Variants in SLC43A1 observed in about 807,000 individuals in gnomAD.
SLC43A1 encodes the protein solute carrier family 43 member 1.
In SLC43A1, 31 loss-of-function variants were observed where a neutral mutation model predicts 59.5. That is an observed-to-expected ratio of 0.52 (90% CI 0.39 to 0.70). The LOEUF is 0.70. SLC43A1 is among the 30% of genes least tolerant of loss of function. The probability of loss-of-function intolerance (pLI) is 0.00; values close to 1 mark genes in which losing one functional copy is unlikely to be tolerated. For synonymous variants in SLC43A1, 259 were observed against 290.9 expected, an observed-to-expected ratio of 0.89 and a Z score of 1.12; for missense variants, 598 against 717.8, an observed-to-expected ratio of 0.83 and a Z score of 1.91.
intron 2 of SLC43A1, among the ~76,000 whole-genome samples, chr11:57,510,322 G>C (rs189211458): frequency 1.3e-5 from 2 of 151,910 alleles, no homozygotes; most frequent in Admixed American, 6.6e-5. Context: ...GCCGGGCGTG[G>C]TGGTGGACGC....
intron 5 of SLC43A1, 102 bp downstream of exon 5, chr11:57,500,677 C>G (rs908866701): frequency 4.0e-6 from 4 of 991,886 alleles, no homozygotes; most frequent in Non-Finnish European, 6.3e-6. Context: ...TCTGCGTCCA[C>G]AGGCCCCTCC....
chr11:57,495,108 A>C (rs919056877), intron 7 of SLC43A1, among the ~76,000 whole-genome samples: 1 of 151,530 alleles, frequency 6.6e-6, no homozygotes, highest in Non-Finnish European at 1.5e-5. Context: ...TCGGCCTCCC[A>C]AAGTGCTGGG....
At chr11:57,489,115 C>A (rs1449908710) in intron 12 of SLC43A1, 126 bp from the exon 13 acceptor site, 7 of 1,439,204 alleles carry the variant, frequency 4.9e-6, no homozygotes, top group African/African-American at 1.4e-5. Flanking sequence ...CTACTAGAAA[C>A]ACTTCCTGGA....
chr11:57,492,603 A>ACCT (rs1943961012), intron 8 of SLC43A1, among the ~76,000 whole-genome samples: 2 of 138,112 alleles, frequency 1.4e-5, no homozygotes, highest in African/African-American at 5.4e-5. Context: ...GGTTGTGCAC[A>ACCT]CCTGTATTCC....
rs116216373 is a variant in SLC43A1, at chr11:57,500,844, A to G, written c.400T>C (p.Leu134=). 1.1e-5 allele frequency: 18 copies of G among 1,614,214 alleles called. No homozygotes were observed. In the East Asian group the frequency reaches 3.8e-4, roughly 34 times the overall value. Residue 134 remains leucine, a synonymous_variant, in exon 5 of 15, where the codon TTG becomes CTG. Coordinates refer to ENST00000278426, the MANE Select transcript of SLC43A1 (RefSeq NM_003627.6). ...TTCAGGGACAGCGCCAGGAATATCA[A>G]CGGAGACAGAGCTGGAAAGGGGAAA... is the stretch of plus-strand genomic sequence containing the variant. The part of the protein sequence containing the change: ...ASRDVEALSP[L]IFLALSLNGF...
In SLC43A1 at chr11:57,514,793, G is replaced by A; in HGVS notation, c.-14+651C>T. The A allele has an allele frequency of 2.0e-6, 2 of 985,064 alleles. No homozygotes were observed. The highest frequency in any genetic ancestry group is 9.4e-5 in the South Asian group (2 of 21,272). The allele number at this position is 985,064 out of a possible 1,614,324, so 61.0% of individuals were successfully genotyped here. ...GCCCCTCACTCACTCCGCAGGGCTC[G>A]GGGCACCAGGCTTTGCACCTCGGAA... On this transcript the variant is annotated intron_variant, in intron 1 of 14. Transcript: ENST00000278426. This position sits in a 1 kb window ranked among gnomAD's most constrained non-coding sequence, Gnocchi z 5.5.
rs373904274 is a variant in SLC43A1 at position 57,494,092 on chromosome 11, C to A, written c.772G>T (p.Gly258Cys). 1 of 1,611,498 alleles carries A rather than the reference C, an allele frequency of 6.2e-7. No individual in the cohort carries two copies. Among genetic ancestry groups the A allele is most frequent in the African/African-American group, 1.3e-5 (1 of 74,710 alleles). The change falls in exon 8 of 15, where the codon GGC (glycine) becomes TGC (cysteine). Residue 258 changes from glycine to cysteine, a missense_variant. Physicochemically the swap from Gly to Cys is radical, Grantham distance 159. Transcript: ENST00000278426. ...DLFYTHVTTMGQRLSQKAPSL... is the reference protein window; with the variant it reads ...DLFYTHVTTMCQRLSQKAPSL... ...GGGGCCTTCTGGCTGAGCCTCTGGC[C>A]CATGGTGGTCACATGGGTGTAGAAG... is the stretch of plus-strand genomic sequence containing the variant.
chr11:57,503,220 T>G (rs1453001140), intron 2 of SLC43A1, among the ~76,000 whole-genome samples: 1 of 151,752 alleles, frequency 6.6e-6, no homozygotes, highest in African/African-American at 2.4e-5. Flanking sequence ...CACTTAGGGG[T>G]TGGACCACAC....
chr11:57,501,816 ATGG>A (rs1382965578), intron 2 of SLC43A1, among the ~76,000 whole-genome samples: 3 of 152,224 alleles, frequency 2.0e-5, no homozygotes, highest in Non-Finnish European at 2.9e-5. Flanking sequence ...CCTGGGCAAC[ATGG>A]TAAAACCCCA....
rs188046005 is a variant in SLC43A1, at chr11:57,494,590, G to C, written c.693-419C>G. The stretch of plus-strand genomic sequence containing the variant: ...ACAGCTGTTTGAGGATGGTATAGGG[G>C]CTAAGTACAGTGCCTGGCATAACTG... On this transcript the variant is annotated intron_variant, in intron 7 of 14. Coordinates refer to ENST00000278426, the MANE Select transcript of SLC43A1 (RefSeq NM_003627.6). 524 of 189,196 alleles carry C rather than the reference G, an allele frequency of 2.8e-3. 1 individual carries two copies. Among genetic ancestry groups the C allele is most frequent in the Middle Eastern group, 0.018 (9 of 492 alleles). 11.7% of individuals were successfully genotyped at this position (189,196 alleles called of 1,614,324 possible). A position where few individuals can be genotyped will look rare whatever the true frequency, so the allele number is the denominator to read the frequency against.
chr11:57,487,809 G>C (rs1943784035), intron 13 of SLC43A1, among the ~76,000 whole-genome samples: 1 of 152,076 alleles, frequency 6.6e-6, no homozygotes. Flanking sequence ...TGAAGAAGGA[G>C]AGAAGGTAAG....
In SLC43A1 at chr11:57,501,038, C is replaced by T; in HGVS notation, c.338G>A (p.Cys113Tyr). 2 of 1,603,678 alleles carry T rather than the reference C, an allele frequency of 1.2e-6. No individual in the cohort carries two copies. Among genetic ancestry groups the T allele is most frequent in the South Asian group, 1.1e-5 (1 of 89,576 alleles). Residue 113 changes from cysteine to tyrosine, a missense_variant, in exon 4 of 15, where the codon TGC (cysteine) becomes TAC (tyrosine). By Grantham distance (194) the Cys-to-Tyr change is radical. Coordinates refer to ENST00000278426, the MANE Select transcript of SLC43A1 (RefSeq NM_003627.6). The part of the protein sequence containing the change: ...PRPVRLVGSA[C>Y]FTASCTLMAL... ...CATGAGGGTGCAGGACGCAGTGAAG[C>T]AGGCACTGTGGAGACACAGGGAAGG...
At chr11:57,504,782 G>A (rs574765891) in intron 2 of SLC43A1, among the ~76,000 whole-genome samples, 52 of 152,194 alleles carry the variant, frequency 3.4e-4, no homozygotes, top group Non-Finnish European at 6.3e-4. Flanking sequence ...TTCCACTAAC[G>A]GAGAATCCAT....
At chr11:57,509,653 G>GAAGGAGGGAGA (rs1944481853) in intron 2 of SLC43A1, among the ~76,000 whole-genome samples, 1 of 130,030 alleles carries the variant, frequency 7.7e-6, no homozygotes, top group Non-Finnish European at 1.7e-5. Flanking sequence ...AAGGAAGGAG[G>GAAGGAGGGAGA]GAGGGAGGGA....
intron 2 of SLC43A1, among the ~76,000 whole-genome samples, chr11:57,511,760 C>T (rs772750747): frequency 1.4e-4 from 21 of 152,158 alleles, no homozygotes; most frequent in Non-Finnish European, 2.5e-4. Context: ...ACCTCAAAAA[C>T]ATTATGCTAA....
Position 57,494,085 on chromosome 11 carries a change from C to T in SLC43A1, c.779G>A (p.Arg260Lys), listed in dbSNP as rs1442324643. The T allele has an allele frequency of 3.1e-6, 5 of 1,611,636 alleles. No individual in the cohort carries two copies. The South Asian group carries it at 5.5e-5, about 18-fold the overall frequency. ...CAGGCTGGGGGCCTTCTGGCTGAGC[C>T]TCTGGCCCATGGTGGTCACATGGGT... is the stretch of plus-strand genomic sequence containing the variant. ...FYTHVTTMGQ[R>K]LSQKAPSLED... The change falls in exon 8 of 15, where the codon AGG becomes AAG. Residue 260 changes from arginine (R) to lysine (K), a missense_variant. Physicochemically the swap from Arg to Lys is conservative, Grantham distance 26. Coordinates refer to ENST00000278426, the MANE Select transcript of SLC43A1 (RefSeq NM_003627.6).
intron 5 of SLC43A1, among the ~76,000 whole-genome samples, chr11:57,498,311 T>C (rs929110792): frequency 2.0e-5 from 3 of 151,976 alleles, no homozygotes; most frequent in African/African-American, 7.2e-5. Flanking sequence ...CATGGTGGCA[T>C]GCGCCTGTAA....
chr11:57,503,297 GTTTT>G (rs11402480), intron 2 of SLC43A1, among the ~76,000 whole-genome samples: 3 of 115,858 alleles, frequency 2.6e-5, no homozygotes, highest in Non-Finnish European at 5.1e-5. Flanking sequence ...TTCTCTACAG[GTTTT>G]TTTTTTTTTT....
rs1007880321 is a variant in SLC43A1 at position 57,514,965 on chromosome 11, G to A, written c.-14+479C>T. 10 of 971,922 alleles carry A rather than the reference G, an allele frequency of 1.0e-5. No individual in the cohort carries two copies. Among genetic ancestry groups the A allele is most frequent in the Non-Finnish European group, 1.2e-5 (10 of 817,708 alleles). The allele number at this position is 971,922 out of a possible 1,614,324, so 60.2% of individuals were successfully genotyped here. On this transcript the variant is annotated intron_variant, in intron 1 of 14. Coordinates refer to ENST00000278426, the MANE Select transcript of SLC43A1 (RefSeq NM_003627.6). This position sits in a 1 kb window ranked among gnomAD's most constrained non-coding sequence, Gnocchi z 5.5. ...GAGGGAAAGAGCCCCAGCTCCCCCC[G>A]CCGCGGCCGCTGCAGCCTCGGCGGG... is the stretch of plus-strand genomic sequence containing the variant.
Sources: gnomAD v4.1 joint callset for allele counts (sites outside exome capture counted in the v4.1 genomes callset) on GRCh38, gnomAD v4.1.1 for gene constraint, Gnocchi (gnomAD v3.1) non-coding constraint, MANE v1.5 for transcripts, NCBI Gene and HGNC (gene_info 2026-07-23, HGNC 2026-07-21) for gene names.